EML1: variants seen among roughly 807,000 people sequenced by gnomAD.
The protein encoded by EML1 is echinoderm microtubule-associated protein-like 1.
A neutral mutation model predicts 110.4 loss-of-function variants in EML1; 27 were observed. The observed-to-expected ratio is 0.24, with a 90% confidence interval of 0.18 to 0.34. The LOEUF is 0.34. EML1 is among the 10% of genes least tolerant of loss of function. EML1 has a pLI of 1.00. For synonymous variants in EML1, 344 were observed against 385.8 expected (o/e 0.89, Z 1.27); for missense variants, 741 against 1,030.9 (o/e 0.72, Z 3.85).
chr14:99,774,468 G>A (rs1428854446), intron 1 of EML1, among the ~76,000 whole-genome samples: 1 of 152,154 alleles, frequency 6.6e-6, no homozygotes, highest in African/African-American at 2.4e-5. Context: ...CATGCCTCCC[G>A]AGTGTACCCT....
chr14:99,840,353 A>T (rs1490699252), intron 1 of EML1, among the ~76,000 whole-genome samples: 1 of 152,244 alleles, frequency 6.6e-6, no homozygotes, highest in African/African-American at 2.4e-5. Context: ...TGGAGAACTC[A>T]TATGGTGAAA....
rs117211782 is a variant in EML1 at position 99,749,595 on chromosome 14, A to G, written c.28+11735A>G. Among the ~76,000 whole-genome samples the G allele has an allele frequency of 1.5e-4, 23 of 152,298 alleles. No individual in the cohort carries two copies. The East Asian group carries it at 4.2e-3, about 28-fold the overall frequency. ...CTGCTTGAAGCTGCAGGCTGGGGTT[A>G]GGGTCCTTCCTCTGAAAGCTGGTAT... On this transcript the variant is annotated intron_variant, in intron 1 of 10. Coordinates refer to the EML1 transcript ENST00000554479.
intron 5 of EML1, among the ~76,000 whole-genome samples, chr14:99,893,494 G>A (rs1287562158): frequency 6.6e-6 from 1 of 152,210 alleles, no homozygotes; most frequent in Non-Finnish European, 1.5e-5. Flanking sequence ...TGAAGAGTGT[G>A]TCACGTGCAT....
At chr14:99,883,646 TA>T (rs777102675) in intron 4 of EML1, 2 of 152,212 alleles carry the variant, frequency 1.3e-5, no homozygotes, top group Non-Finnish European at 2.9e-5. Flanking sequence ...CGTGGACTTT[TA>T]TTTGCAGGGT....
intron 4 of EML1, among the ~76,000 whole-genome samples, chr14:99,890,749 C>T (rs1440437953): frequency 6.6e-6 from 1 of 152,114 alleles, no homozygotes; most frequent in Non-Finnish European, 1.5e-5. Flanking sequence ...ACTTGTCTTC[C>T]GAGAACAGCC....
chr14:99,862,671 G>T (rs1203549751), intron 2 of EML1, among the ~76,000 whole-genome samples: 1 of 152,100 alleles, frequency 6.6e-6, no homozygotes, highest in Non-Finnish European at 1.5e-5. Context: ...GTTAGGTTTT[G>T]TGTCCGTTTG....
At chr14:99,937,101 C>T (rs556686200) in intron 19 of EML1, among the ~76,000 whole-genome samples, 65 of 152,302 alleles carry the variant, frequency 4.3e-4, no homozygotes, top group African/African-American at 1.5e-3. Flanking sequence ...CAAGAGCCCA[C>T]GGGGGTGGGC....
Position 99,851,039 on chromosome 14 carries a change from G to A in EML1, c.250+4G>A, listed in dbSNP as rs72708401. ...AACAGGAAAGGACCTACCAAAGGTG[G>A]GCGTTTGAGTGACACAGGAACTTCA... is the stretch of plus-strand genomic sequence containing the variant. On this transcript the variant is annotated splice_donor_region_variant and intron_variant, in intron 2 of 21. Coordinates refer to ENST00000262233, the MANE Select transcript of EML1 (RefSeq NM_004434.3). The A allele has an allele frequency of 0.28, 446,588 of 1,604,730 alleles. 66,217 individuals carry two copies. Among genetic ancestry groups the A allele is most frequent in the Non-Finnish European group, 0.31 (359,923 of 1,172,860 alleles).
chr14:99,792,333 AG>A (rs1161354751), upstream of EML1, among the ~76,000 whole-genome samples: 1 of 152,236 alleles, frequency 6.6e-6, no homozygotes, highest in Non-Finnish European at 1.5e-5. Context: ...CTGATGCAAC[AG>A]GAAGTGTAAA....
Position 99,827,862 on chromosome 14 carries a change from G to T in EML1, c.68-22991G>T, listed in dbSNP as rs984645727. Among the ~76,000 whole-genome samples, 2 of 152,138 alleles carry T rather than the reference G, an allele frequency of 1.3e-5. No individual in the cohort carries two copies. Among genetic ancestry groups the T allele is most frequent in the Non-Finnish European group, 2.9e-5 (2 of 68,048 alleles). On this transcript the variant is annotated intron_variant, in intron 1 of 21. Transcript: ENST00000262233. This position sits in a 1 kb window ranked among gnomAD's most constrained non-coding sequence, Gnocchi z 4.4. ...ATGCCGCTGTAGAGTGTGCAGACCC[G>T]CAGGCATGGGTCCCGTGAGCACCCA...
At chr14:99,856,929 T>C (rs1316442864) in intron 2 of EML1, among the ~76,000 whole-genome samples, 1 of 152,238 alleles carries the variant, frequency 6.6e-6, no homozygotes. Context: ...CTATATCATT[T>C]TATCTGTAAA....
At chr14:99,931,924 T>C (rs1424487209) in intron 17 of EML1, among the ~76,000 whole-genome samples, 1 of 152,192 alleles carries the variant, frequency 6.6e-6, no homozygotes, top group Non-Finnish European at 1.5e-5. Context: ...TTGAGGTTTT[T>C]CGTGGTGGTT....
At chr14:99,926,817 C>T (rs894130534) in intron 17 of EML1, among the ~76,000 whole-genome samples, 2 of 151,788 alleles carry the variant, frequency 1.3e-5, no homozygotes, top group Non-Finnish European at 2.9e-5. Context: ...GATCTCAGCT[C>T]ACTGCAACCT....
chr14:99,806,222 C>T (rs1487523725), intron 1 of EML1, among the ~76,000 whole-genome samples: 2 of 151,860 alleles, frequency 1.3e-5, no homozygotes, highest in South Asian at 4.2e-4. Flanking sequence ...GCTGTCAGAA[C>T]GCCTGAAGAT....
intron 1 of EML1, among the ~76,000 whole-genome samples, chr14:99,750,683 A>G (rs2057165682): frequency 6.6e-6 from 1 of 152,070 alleles, no homozygotes; most frequent in Admixed American, 6.6e-5. Context: ...CTTCTATTCC[A>G]TGGATGTGGC....
chr14:99,742,033 G>A (rs1461644289), intron 1 of EML1, among the ~76,000 whole-genome samples: 1 of 152,162 alleles, frequency 6.6e-6, no homozygotes, highest in African/African-American at 2.4e-5. Flanking sequence ...CCTCCTTCGT[G>A]TGTGACCTCA....
chr14:99,918,528 T>C (rs2060072646), intron 16 of EML1, among the ~76,000 whole-genome samples: 1 of 152,166 alleles, frequency 6.6e-6, no homozygotes, highest in Non-Finnish European at 1.5e-5. Flanking sequence ...TAAAAATGCT[T>C]TTTCTACTCC....
intron 15 of EML1, among the ~76,000 whole-genome samples, chr14:99,917,056 G>A (rs1190431530): frequency 6.6e-6 from 1 of 152,120 alleles, no homozygotes; most frequent in African/African-American, 2.4e-5. Context: ...TGCACCCAGT[G>A]GGCACTCACC....
At chr14:99,763,629 A>C (rs1430512137) in intron 1 of EML1, among the ~76,000 whole-genome samples, 1 of 152,156 alleles carries the variant, frequency 6.6e-6, no homozygotes, top group Non-Finnish European at 1.5e-5. Flanking sequence ...ACTTAGACTC[A>C]TGCCCAATGA....
Sources: gnomAD v4.1 joint callset for allele counts (sites outside exome capture counted in the v4.1 genomes callset) on GRCh38, gnomAD v4.1.1 for gene constraint, Gnocchi (gnomAD v3.1) non-coding constraint, MANE v1.5 for transcripts, NCBI Gene and HGNC (gene_info 2026-07-23, HGNC 2026-07-21) for gene names.